Variants in L3MBTL4 observed in about 807,000 individuals in gnomAD.
L3MBTL4 encodes lethal(3)malignant brain tumor-like protein 4.
A neutral mutation model predicts 84.5 loss-of-function variants in L3MBTL4; 70 were observed. That is an observed-to-expected ratio of 0.83 (90% CI 0.68 to 1.01). The LOEUF is 1.01. Ranked by LOEUF, L3MBTL4 falls within the 50% of genes least tolerant of loss-of-function variation. L3MBTL4 has a pLI of 0.00. For missense variants in L3MBTL4, 715 were observed against 754.8 expected, an observed-to-expected ratio of 0.95 and a Z score of 0.62; for synonymous variants, 274 against 259.8, an observed-to-expected ratio of 1.05 and a Z score of -0.52.
intron 16 of L3MBTL4, among the ~76,000 whole-genome samples, chr18:5,976,159 C>A (rs2052920297): frequency 6.6e-6 from 1 of 152,168 alleles, no homozygotes; most frequent in South Asian, 2.1e-4. Context: ...GTGAAGCGTG[C>A]AAACTGAGAT....
chr18:5,968,908 G>A (rs2052491895), intron 17 of L3MBTL4, among the ~76,000 whole-genome samples: 1 of 152,092 alleles, frequency 6.6e-6, no homozygotes, highest in South Asian at 2.1e-4. Flanking sequence ...CCTGCAGCAG[G>A]GGCCTGCTCT....
intron 13 of L3MBTL4, among the ~76,000 whole-genome samples, chr18:6,168,573 G>C (rs1235854346): frequency 6.6e-6 from 1 of 152,158 alleles, no homozygotes; most frequent in Admixed American, 6.5e-5. Flanking sequence ...AAAAGCAATG[G>C]GGAAAGGATT....
intron 16 of L3MBTL4, among the ~76,000 whole-genome samples, chr18:6,035,509 T>C (rs1463045879): frequency 6.6e-6 from 1 of 152,008 alleles, no homozygotes; most frequent in Non-Finnish European, 1.5e-5. Flanking sequence ...TTGATCTATA[T>C]CTCTGTTTTG....
At position 6,249,287 on chromosome 18, in the gene L3MBTL4, A is replaced by G. The variant is rs574137653; in HGVS notation, c.220-4699T>C. Among the ~76,000 whole-genome samples, 23 of 152,358 alleles carry G rather than the reference A, an allele frequency of 1.5e-4. No individual in the cohort carries two copies. The South Asian group carries it at 4.8e-3, about 32-fold the overall frequency. Reference sequence around the variant, plus strand: ...GCTGAGAGGAAACTTAAGAAGCCATAGAAACTGAAAGAACATTGTTCATGT... The same window carrying G: ...GCTGAGAGGAAACTTAAGAAGCCATGGAAACTGAAAGAACATTGTTCATGT... On this transcript the variant is annotated intron_variant, in intron 5 of 18. Coordinates refer to ENST00000317931, the MANE Select transcript of L3MBTL4 (RefSeq NM_001330559.2).
chr18:6,188,515 G>A (rs1356285742), intron 12 of L3MBTL4, among the ~76,000 whole-genome samples: 1 of 152,126 alleles, frequency 6.6e-6, no homozygotes, highest in East Asian at 1.9e-4. Context: ...TCTAAATGAA[G>A]TCTAAATTAT....
intron 16 of L3MBTL4, among the ~76,000 whole-genome samples, chr18:6,027,768 T>C (rs2055580491): frequency 6.6e-6 from 1 of 152,238 alleles, no homozygotes. Flanking sequence ...GGTTTTTATT[T>C]GCATTTCTCT....
chr18:6,257,845 C>T (rs1405994322), intron 5 of L3MBTL4, among the ~76,000 whole-genome samples: 2 of 152,006 alleles, frequency 1.3e-5, no homozygotes, highest in African/African-American at 4.8e-5. Context: ...GGGGTTTCTC[C>T]ATGTTGGTCA....
chr18:6,346,341 G>C (rs1291860103), intron 1 of L3MBTL4, among the ~76,000 whole-genome samples: 1 of 151,296 alleles, frequency 6.6e-6, no homozygotes, highest in Non-Finnish European at 1.5e-5. Context: ...TAAATAAGTG[G>C]GATTACCTCA....
intron 16 of L3MBTL4, among the ~76,000 whole-genome samples, chr18:6,057,427 T>C (rs1404628628): frequency 6.6e-6 from 1 of 152,236 alleles, no homozygotes; most frequent in Non-Finnish European, 1.5e-5. Flanking sequence ...TATTTTTTAA[T>C]TATCTCTTTC....
intron 4 of L3MBTL4, among the ~76,000 whole-genome samples, chr18:6,291,623 T>A (rs1354419706): frequency 6.6e-6 from 1 of 152,024 alleles, no homozygotes; most frequent in Admixed American, 6.6e-5. Context: ...CAATAAATGG[T>A]GCTGGGGAAA....
chr18:6,122,998 A>G (rs971368236), intron 14 of L3MBTL4, among the ~76,000 whole-genome samples: 1 of 152,206 alleles, frequency 6.6e-6, no homozygotes, highest in African/African-American at 2.4e-5. Context: ...ATTCCAGGAA[A>G]TCACAGCATG....
chr18:6,166,227 A>G lies in L3MBTL4; in HGVS notation c.1096+5601T>C, dbSNP rs1459004041. 1.1e-4 allele frequency among the ~76,000 whole-genome samples: 16 copies of G among 152,276 alleles called. No homozygotes were observed. In the East Asian group the frequency reaches 2.9e-3, roughly 28 times the overall value. ...AGACTTAGACTCCCAAACAATAATA[A>G]TGGGAGACTTTAACACCCCGCTGTC... On this transcript the variant is annotated intron_variant, in intron 13 of 18. Coordinates refer to ENST00000317931, the MANE Select transcript of L3MBTL4 (RefSeq NM_001330559.2).
At chr18:6,269,315 G>A (rs1362280364) in intron 4 of L3MBTL4, among the ~76,000 whole-genome samples, 2 of 152,118 alleles carry the variant, frequency 1.3e-5, no homozygotes, top group East Asian at 1.9e-4. Flanking sequence ...AAATTAGCCA[G>A]GAATGGTGGT....
chr18:6,385,361 C>A (rs1299651606), intron 1 of L3MBTL4, among the ~76,000 whole-genome samples: 10 of 152,152 alleles, frequency 6.6e-5, no homozygotes, highest in Non-Finnish European at 1.3e-4. Context: ...GTGACTGCAC[C>A]ACTGCAATGC....
chr18:6,374,780 C>T (rs774347966), intron 1 of L3MBTL4, among the ~76,000 whole-genome samples: 13 of 152,270 alleles, frequency 8.5e-5, no homozygotes, highest in East Asian at 3.9e-4. Flanking sequence ...ATCCCACACT[C>T]GCCACCACCA....
intron 14 of L3MBTL4, among the ~76,000 whole-genome samples, chr18:6,128,019 A>G (rs910003800): frequency 7.5e-6 from 1 of 133,242 alleles, no homozygotes; most frequent in African/African-American, 3.1e-5. Context: ...ACGAATCAAA[A>G]CAAAAATATT....
intron 13 of L3MBTL4, among the ~76,000 whole-genome samples, chr18:6,165,566 T>C (rs1180014001): frequency 1.3e-5 from 2 of 152,162 alleles, no homozygotes; most frequent in African/African-American, 4.8e-5. Flanking sequence ...CAAAATTTCA[T>C]ATCCAGCCAA....
intron 16 of L3MBTL4, among the ~76,000 whole-genome samples, chr18:6,051,384 C>T (rs145569285): frequency 1.3e-5 from 2 of 152,200 alleles, no homozygotes; most frequent in African/African-American, 4.8e-5. Context: ...ACTAAAAATA[C>T]AAAAACTAGC....
intron 13 of L3MBTL4, among the ~76,000 whole-genome samples, chr18:6,155,153 G>A (rs1031225423): frequency 1.3e-5 from 2 of 152,276 alleles, no homozygotes; most frequent in African/African-American, 4.8e-5. Flanking sequence ...AAGAGGTTTG[G>A]TAATGCAGGA....
Sources: gnomAD v4.1 joint callset for allele counts (sites outside exome capture counted in the v4.1 genomes callset) on GRCh38, gnomAD v4.1.1 for gene constraint, MANE v1.5 for transcripts, NCBI Gene and HGNC (gene_info 2026-07-23, HGNC 2026-07-21) for gene names.